Variants in OSBPL2 observed in about 807,000 individuals in gnomAD.
OSBPL2 encodes the protein oxysterol-binding protein-related protein 2.
A neutral mutation model predicts 58.4 loss-of-function variants in OSBPL2; 18 were observed. The ratio of observed to expected loss-of-function variants is 0.31; its 90% CI spans 0.21 to 0.46. The LOEUF (loss-of-function observed/expected upper bound fraction) is 0.46, where lower values mean the gene tolerates loss of function less well. Ranked by LOEUF, OSBPL2 falls within the 20% of genes least tolerant of loss-of-function variation. The pLI is 1.00. For synonymous variants in OSBPL2, 221 were observed against 234.1 expected (o/e 0.94, Z 0.51); for missense variants, 461 against 616.5 (o/e 0.75, Z 2.67).
At chr20:62,247,265 C>T (rs1203769769) in intron 1 of OSBPL2, among the ~76,000 whole-genome samples, 3 of 152,224 alleles carry the variant, frequency 2.0e-5, no homozygotes, top group Admixed American at 1.3e-4. Flanking sequence ...CTGAGCTTGC[C>T]TCTTGGCTTA....
In OSBPL2 at chr20:62,281,049, T is replaced by C. The variant is rs1345907925; in HGVS notation, c.675-9T>C. The C allele has an allele frequency of 1.2e-6, 2 of 1,604,828 alleles. No homozygotes were observed. Among genetic ancestry groups the C allele is most frequent in the Non-Finnish European group, 1.7e-6 (2 of 1,171,652 alleles). On this transcript the variant is annotated splice_polypyrimidine_tract_variant and intron_variant, in intron 7 of 13. Transcript: ENST00000313733. Reference sequence around the variant, plus strand: ...GACTCTCACTGCTTGTTTTCTGGTGTCTTCACAGACATAATGAAGCCTACA... The same window carrying C: ...GACTCTCACTGCTTGTTTTCTGGTGCCTTCACAGACATAATGAAGCCTACA...
At position 62,279,226 on chromosome 20, in the gene OSBPL2, G is replaced by A. The variant is rs150067853; in HGVS notation, c.561G>A (p.Ser187=). 20 of 1,614,066 alleles carry A rather than the reference G, an allele frequency of 1.2e-5. No homozygotes were observed. In the East Asian group the frequency reaches 2.0e-4, roughly 16 times the overall value. The change falls in exon 7 of 14, where the codon TCG becomes TCA. Residue 187 remains serine, a synonymous_variant. Transcript: ENST00000313733. ...ACCCCCCCATCAGTGCGTTCCACTC[G>A]GAAGGTCTCAACCATGACTTCCTGT... ...SHHPPISAFH[S]EGLNHDFLFH...
intron 4 of OSBPL2, among the ~76,000 whole-genome samples, chr20:62,266,712 C>T (rs1489491375): frequency 6.6e-6 from 1 of 152,188 alleles, no homozygotes; most frequent in Non-Finnish European, 1.5e-5. Context: ...TTCCAGACAT[C>T]TTTTGTTTGT....
Position 62,269,940 on chromosome 20 carries a change from C to T in OSBPL2, c.259-2185C>T, listed in dbSNP as rs868526059. Reference sequence around the variant, plus strand: ...TGTCCAGTGCCATCTGGGGCCTGCTCGCCCCTGCAGCAGCCTGAGCCGCAG... The same window carrying T: ...TGTCCAGTGCCATCTGGGGCCTGCTTGCCCCTGCAGCAGCCTGAGCCGCAG... On this transcript the variant is annotated intron_variant, in intron 4 of 13. Transcript: ENST00000313733. This position sits in a 1 kb window ranked among gnomAD's most constrained non-coding sequence, Gnocchi z 4.2. Among the ~76,000 whole-genome samples the T allele has an allele frequency of 3.3e-5, 5 of 152,232 alleles. No homozygotes were observed. Among genetic ancestry groups the T allele is most frequent in the African/African-American group, 7.2e-5 (3 of 41,466 alleles).
intron 10 of OSBPL2, chr20:62,285,859 C>T (rs758190396): frequency 1.3e-5 from 2 of 152,800 alleles, no homozygotes; most frequent in African/African-American, 4.8e-5. Context: ...CGAAGGGAAA[C>T]GCCTGGCCAC....
At chr20:62,289,777 C>T (rs550928822) in intron 12 of OSBPL2, among the ~76,000 whole-genome samples, 21 of 151,964 alleles carry the variant, frequency 1.4e-4, no homozygotes, top group African/African-American at 4.1e-4. Context: ...TGGTGGCGCC[C>T]GACTGTAATC....
intron 6 of OSBPL2, among the ~76,000 whole-genome samples, chr20:62,274,570 G>A (rs372653781): frequency 1.3e-5 from 2 of 152,208 alleles, no homozygotes; most frequent in Non-Finnish European, 2.9e-5. Flanking sequence ...GGGCACTCTC[G>A]CTGCACCCTT....
chr20:62,291,198 C>T (rs116550264), intron 12 of OSBPL2: 220 of 156,966 alleles, frequency 1.4e-3, no homozygotes, highest in African/African-American at 5.4e-3. Context: ...ACCCAGCTCA[C>T]GAGTGTGACC....
intron 1 of OSBPL2, among the ~76,000 whole-genome samples, chr20:62,243,421 TAGCGCCTGCCCCGCAGCCCCTGCCCCGC>T (rs1414482780): frequency 9.2e-5 from 14 of 151,716 alleles, no homozygotes; most frequent in African/African-American, 1.9e-4. Flanking sequence ...CGAGGAGCCC[TAGCGCCTGCCCCGCAGCCCCTGCCCCGC>T]AGCGCCTGCC....
intron 2 of OSBPL2, among the ~76,000 whole-genome samples, chr20:62,257,457 C>A (rs1453279746): frequency 6.6e-6 from 1 of 152,192 alleles, no homozygotes; most frequent in African/African-American, 2.4e-5. Flanking sequence ...TTATCTGCAG[C>A]GTGTTTGCCT....
chr20:62,272,350 T>TGC, intron 5 of OSBPL2, 91 bp downstream of exon 5: 1 of 1,431,640 alleles, frequency 7.0e-7, no homozygotes, highest in Non-Finnish European at 9.6e-7. Context: ...CAGGCATCTG[T>TGC]GAGGACTCGC....
At chr20:62,262,543 T>C (rs1981387666) in intron 3 of OSBPL2, among the ~76,000 whole-genome samples, 1 of 152,226 alleles carries the variant, frequency 6.6e-6, no homozygotes, top group Non-Finnish European at 1.5e-5. Flanking sequence ...GGAGCAGAGC[T>C]GGGTGCTGGC....
chr20:62,279,733 G>A (rs925986972), intron 7 of OSBPL2, among the ~76,000 whole-genome samples: 6 of 152,244 alleles, frequency 3.9e-5, no homozygotes, highest in Non-Finnish European at 7.3e-5. Context: ...TCTGAGGGCC[G>A]GGGACCGTGA....
At chr20:62,293,178 T>C (rs1983639363) in intron 13 of OSBPL2, among the ~76,000 whole-genome samples, 1 of 114,360 alleles carries the variant, frequency 8.7e-6, no homozygotes, top group Non-Finnish European at 2.0e-5. Context: ...ATTGTTTTTT[T>C]AAAGTGTTAA....
rs542189229 is a variant in OSBPL2 at position 62,288,303 on chromosome 20, C to G, written c.1126-904C>G. Among the ~76,000 whole-genome samples, 5 of 152,270 alleles carry G rather than the reference C, an allele frequency of 3.3e-5. No individual in the cohort carries two copies. The South Asian group carries it at 1.0e-3, about 32-fold the overall frequency. ...GAGGGCAGCAACAGAAGAGGGAGGA[C>G]ACGGGTGGTGGCTGGAGGGCCTGGC... On this transcript the variant is annotated intron_variant, in intron 11 of 13. Transcript: ENST00000313733. This position sits in a 1 kb window ranked among gnomAD's most constrained non-coding sequence, Gnocchi z 4.8.
intron 4 of OSBPL2, among the ~76,000 whole-genome samples, chr20:62,267,825 C>T (rs1981781542): frequency 6.6e-6 from 1 of 152,226 alleles, no homozygotes; most frequent in Admixed American, 6.5e-5. Context: ...ATGTCTGTGC[C>T]TCCTGCAGTT....
intron 13 of OSBPL2, among the ~76,000 whole-genome samples, chr20:62,293,568 G>C (rs1366840698): frequency 6.6e-6 from 1 of 152,240 alleles, no homozygotes; most frequent in Non-Finnish European, 1.5e-5. Flanking sequence ...GTTGGGAAGT[G>C]AAATTGACAC....
intron 1 of OSBPL2, among the ~76,000 whole-genome samples, chr20:62,252,468 A>G (rs1316866467): frequency 6.6e-6 from 1 of 152,100 alleles, no homozygotes; most frequent in East Asian, 1.9e-4. Context: ...TGCTCAGTCA[A>G]AGTCACGAGG....
At position 62,294,283 on chromosome 20, in the gene OSBPL2, G is replaced by A. The variant is rs6061485; in HGVS notation, c.*396G>A. 0.095 allele frequency: 17,690 copies of A among 186,920 alleles called. 1,223 individuals carry two copies. Among genetic ancestry groups the A allele is most frequent in the African/African-American group, 0.19 (7,884 of 42,458 alleles). The allele number at this position is 186,920 out of a possible 1,614,324, so 11.6% of individuals were successfully genotyped here. On this transcript the variant is annotated 3_prime_UTR_variant, in exon 14 of 14. Coordinates refer to ENST00000313733, the MANE Select transcript of OSBPL2 (RefSeq NM_144498.4). ...AATGCAGTGGCAAAAGGTTCTGAAA[G>A]CCTTTTAAACTCGAACCAGTGGGGG...
Sources: allele counts gnomAD v4.1 joint callset (sites outside exome capture counted in the v4.1 genomes callset), GRCh38; gene constraint gnomAD v4.1.1; non-coding constraint Gnocchi (gnomAD v3.1); transcripts MANE v1.5; gene names NCBI Gene and HGNC (gene_info 2026-07-23, HGNC 2026-07-21).